Variants in BRINP3 observed in about 807,000 individuals in gnomAD.
BRINP3 encodes BMP/retinoic acid-inducible neural-specific protein 3.
A neutral mutation model predicts 71.0 loss-of-function variants in BRINP3; 19 were observed. The observed-to-expected ratio is 0.27, with a 90% CI of 0.19 to 0.39. The LOEUF (loss-of-function observed/expected upper bound fraction) is 0.39, where lower values mean the gene tolerates loss of function less well. Ranked by LOEUF, BRINP3 falls within the 10% of genes least tolerant of loss-of-function variation. BRINP3 has a pLI of 1.00. For synonymous variants in BRINP3, 380 were observed against 337.7 expected (o/e 1.13, Z -1.37); for missense variants, 959 against 940.8 (o/e 1.02, Z -0.25).
chr1:190,220,112 T>A (rs2102681418), intron 6 of BRINP3, among the ~76,000 whole-genome samples: 1 of 152,012 alleles, frequency 6.6e-6, no homozygotes, highest in East Asian at 1.9e-4. Flanking sequence ...GGAATACTAG[T>A]CAGATTCAAT....
chr1:190,097,978 A>G lies in BRINP3; in HGVS notation c.*40T>C. ...AAACTGTTCCACAAAAGCACTGTAA[A>G]AACTCCTTCAAGATTTTGGGTTGTG... On this transcript the variant is annotated 3_prime_UTR_variant, in exon 8 of 8. Transcript: ENST00000367462. 6.4e-7 allele frequency: 1 copy of G among 1,554,628 alleles called. No homozygotes were observed.
In BRINP3 at chr1:190,264,634, A is replaced by C. The variant is rs1054195599; in HGVS notation, c.618+231T>G. Reference sequence around the variant, plus strand: ...ATTCATACAATTCAAATATACTTTAATTACATTTAACCATGAAAAATCTTG... The same window carrying C: ...ATTCATACAATTCAAATATACTTTACTTACATTTAACCATGAAAAATCTTG... On this transcript the variant is annotated intron_variant, in intron 4 of 7. Coordinates refer to ENST00000367462, the MANE Select transcript of BRINP3 (RefSeq NM_199051.3). Among the ~76,000 whole-genome samples the C allele has an allele frequency of 6.6e-5, 10 of 152,322 alleles. No individual in the cohort carries two copies. In the East Asian group the frequency reaches 1.9e-3, roughly 29 times the overall value.
At chr1:190,277,115 A>ATATATATATATT (rs1212564236) in intron 3 of BRINP3, among the ~76,000 whole-genome samples, 1 of 129,292 alleles carries the variant, frequency 7.7e-6, no homozygotes, top group African/African-American at 2.7e-5. Context: ...ATATATATAT[A>ATATATATATATT]TATTTATATT....
chr1:190,278,735 T>C (rs529117633), intron 3 of BRINP3, among the ~76,000 whole-genome samples: 1 of 151,646 alleles, frequency 6.6e-6, no homozygotes, highest in Non-Finnish European at 1.5e-5. Context: ...TCTTTCCCCC[T>C]TTAAGGCAAT....
chr1:190,351,974 A>C (rs1434948313), intron 2 of BRINP3, among the ~76,000 whole-genome samples: 1 of 152,056 alleles, frequency 6.6e-6, no homozygotes, highest in Admixed American at 6.6e-5. Context: ...AAACATTTTA[A>C]ATTTTATACA....
chr1:190,453,084 G>GCTT (rs1675727906), intron 2 of BRINP3, among the ~76,000 whole-genome samples: 1 of 151,350 alleles, frequency 6.6e-6, no homozygotes, highest in South Asian at 2.1e-4. Context: ...AAATCAGGTA[G>GCTT]CTTCACTCAA....
At chr1:190,312,820 T>G (rs2103029489) in intron 2 of BRINP3, among the ~76,000 whole-genome samples, 1 of 151,988 alleles carries the variant, frequency 6.6e-6, no homozygotes, top group East Asian at 1.9e-4. Context: ...TGTGATGGGT[T>G]ATTTCTTTCA....
At chr1:190,338,810 G>A (rs898305596) in intron 2 of BRINP3, among the ~76,000 whole-genome samples, 1 of 151,706 alleles carries the variant, frequency 6.6e-6, no homozygotes, top group African/African-American at 2.4e-5. Context: ...AAAAGGTAAG[G>A]AGTTTTAATT....
intron 7 of BRINP3, among the ~76,000 whole-genome samples, chr1:190,125,885 G>A (rs540159647): frequency 2.0e-5 from 3 of 151,946 alleles, no homozygotes; most frequent in South Asian, 2.1e-4. Context: ...TTTCTCCTTC[G>A]CTGCTGCTGG....
At chr1:190,226,811 C>T (rs1657426402) in intron 5 of BRINP3, among the ~76,000 whole-genome samples, 1 of 151,900 alleles carries the variant, frequency 6.6e-6, no homozygotes, top group Non-Finnish European at 1.5e-5. Flanking sequence ...TTATCTCATG[C>T]CATTAACAAC....
intron 2 of BRINP3, among the ~76,000 whole-genome samples, chr1:190,321,375 T>A (rs1666227636): frequency 6.6e-6 from 1 of 152,132 alleles, no homozygotes; most frequent in African/African-American, 2.4e-5. Flanking sequence ...CTAATTCTCT[T>A]CGATAACTAT....
chr1:190,421,075 C>T (rs1484794467), intron 2 of BRINP3, among the ~76,000 whole-genome samples: 1 of 151,486 alleles, frequency 6.6e-6, no homozygotes, highest in East Asian at 1.9e-4. Flanking sequence ...CTACTCACAA[C>T]GGCACAAATA....
At chr1:190,148,648 TAAA>T (rs1656120354) in intron 7 of BRINP3, among the ~76,000 whole-genome samples, 2 of 147,736 alleles carry the variant, frequency 1.4e-5, no homozygotes, top group Non-Finnish European at 3.0e-5. Flanking sequence ...AATAAATAAA[TAAA>T]TTCTATCTCC....
chr1:190,426,913 A>G (rs1673745172), intron 2 of BRINP3, among the ~76,000 whole-genome samples: 1 of 151,882 alleles, frequency 6.6e-6, no homozygotes, highest in Non-Finnish European at 1.5e-5. Context: ...AGAGATTAGT[A>G]TGAGAATTAA....
chr1:190,330,516 T>C (rs1480173613), intron 2 of BRINP3, among the ~76,000 whole-genome samples: 1 of 152,048 alleles, frequency 6.6e-6, no homozygotes, highest in Non-Finnish European at 1.5e-5. Flanking sequence ...AGAGGAATAC[T>C]TACACACTGT....
At chr1:190,313,511 T>G (rs1157502357) in intron 2 of BRINP3, among the ~76,000 whole-genome samples, 6 of 152,048 alleles carry the variant, frequency 3.9e-5, no homozygotes, top group Non-Finnish European at 7.4e-5. Context: ...AGCAAAATTC[T>G]GCAACCTATG....
At chr1:190,291,586 A>C (rs1268594193) in intron 2 of BRINP3, among the ~76,000 whole-genome samples, 1 of 152,130 alleles carries the variant, frequency 6.6e-6, no homozygotes, top group Non-Finnish European at 1.5e-5. Flanking sequence ...GGGAAATGCA[A>C]ATTGAAACCA....
intron 3 of BRINP3, among the ~76,000 whole-genome samples, chr1:190,276,646 TAC>T (rs374768178): frequency 7.4e-5 from 11 of 149,082 alleles, no homozygotes; most frequent in East Asian, 2.0e-4. Flanking sequence ...CACACACACA[TAC>T]ACACACACAC....
intron 4 of BRINP3, among the ~76,000 whole-genome samples, chr1:190,253,402 G>A (rs1002452321): frequency 6.6e-6 from 1 of 152,184 alleles, no homozygotes; most frequent in Non-Finnish European, 1.5e-5. Flanking sequence ...CAGTGTAAAA[G>A]CATTCCTATT....
Sources: allele counts gnomAD v4.1 joint callset (sites outside exome capture counted in the v4.1 genomes callset), GRCh38; gene constraint gnomAD v4.1.1; transcripts MANE v1.5; gene names NCBI Gene and HGNC (gene_info 2026-07-23, HGNC 2026-07-21).